KCNC2: variants seen among roughly 807,000 people sequenced by gnomAD.
The protein encoded by KCNC2 is potassium voltage-gated channel subfamily C member 2.
Under a neutral mutation model 44.5 loss-of-function variants are expected in KCNC2, and 21 were observed. That is an observed-to-expected ratio of 0.47 (90% CI 0.33 to 0.68). The LOEUF is 0.68. Among genes scored for constraint, KCNC2 ranks in the 30% least tolerant of loss-of-function variants. The pLI, the probability that KCNC2 is intolerant of heterozygous loss-of-function variation, is 0.01. For synonymous variants in KCNC2, 391 were observed against 339.1 expected, an observed-to-expected ratio of 1.15 and a Z score of -1.68; for missense variants, 589 against 826.2, an observed-to-expected ratio of 0.71 and a Z score of 3.52.
At chr12:75,171,039 T>A (rs1401621769) in intron 2 of KCNC2, among the ~76,000 whole-genome samples, 2 of 149,372 alleles carry the variant, frequency 1.3e-5, no homozygotes, top group Non-Finnish European at 1.5e-5. Flanking sequence ...CCTGGGCCTC[T>A]CACAATATGG....
chr12:75,059,316 G>A (rs576544660), intron 2 of KCNC2, among the ~76,000 whole-genome samples: 2 of 152,090 alleles, frequency 1.3e-5, no homozygotes, highest in African/African-American at 4.8e-5. Flanking sequence ...CTTTTCTGGG[G>A]TCCATATAGT....
intron 2 of KCNC2, among the ~76,000 whole-genome samples, chr12:75,153,228 A>G (rs986456398): frequency 5.3e-5 from 8 of 151,992 alleles, no homozygotes; most frequent in African/African-American, 1.9e-4. Flanking sequence ...GTAATGTTCT[A>G]TTTCACAGGC....
In KCNC2 at chr12:75,087,059, A is replaced by G. The variant is rs74108198; in HGVS notation, c.688-35742T>C. ...TTATACTTTCTTAGTCCTTGTCTTTATGGAACTTAGAGCTTCAGAAGAAAG... is the reference window on the plus strand; with the variant it reads ...TTATACTTTCTTAGTCCTTGTCTTTGTGGAACTTAGAGCTTCAGAAGAAAG... On this transcript the variant is annotated intron_variant, in intron 2 of 4. Coordinates refer to ENST00000549446, the MANE Select transcript of KCNC2 (RefSeq NM_139137.4). Among the ~76,000 whole-genome samples the G allele has an allele frequency of 2.6e-3, 401 of 152,174 alleles. 2 individuals are homozygous for G. Among genetic ancestry groups the G allele is most frequent in the African/African-American group, 9.2e-3 (381 of 41,538 alleles).
intron 2 of KCNC2, among the ~76,000 whole-genome samples, chr12:75,203,779 T>A (rs2031479924): frequency 6.6e-6 from 1 of 151,932 alleles, no homozygotes; most frequent in Non-Finnish European, 1.5e-5. Flanking sequence ...GAGAAACTTA[T>A]AACTGCTCTC....
At chr12:75,086,166 G>A (rs1784575972) in intron 2 of KCNC2, among the ~76,000 whole-genome samples, 1 of 152,000 alleles carries the variant, frequency 6.6e-6, no homozygotes, top group South Asian at 2.1e-4. Context: ...CAAAATTCAA[G>A]AAGCTACTAC....
intron 2 of KCNC2, among the ~76,000 whole-genome samples, chr12:75,200,014 A>G (rs935373283): frequency 6.6e-6 from 1 of 151,702 alleles, no homozygotes; most frequent in African/African-American, 2.4e-5. Context: ...ATAACATGTA[A>G]AACTAGTGGG....
rs568103796 is a variant in KCNC2, at chr12:75,208,176, C to T, written c.-19-174G>A. On this transcript the variant is annotated intron_variant, in intron 1 of 4. Transcript: ENST00000549446. Reference sequence around the variant, plus strand: ...CCAGCGCTGTCCCCGCCTCTTGCATCAAACCTTTCCCAGGTTTCCAGAGAA... The same window carrying T: ...CCAGCGCTGTCCCCGCCTCTTGCATTAAACCTTTCCCAGGTTTCCAGAGAA... 2.0e-5 allele frequency among the ~76,000 whole-genome samples: 3 copies of T among 152,254 alleles called. No individual in the cohort carries two copies. The South Asian group carries it at 6.2e-4, about 32-fold the overall frequency.
At chr12:75,176,664 TTAA>T (rs752501974) in intron 2 of KCNC2, among the ~76,000 whole-genome samples, 65 of 152,072 alleles carry the variant, frequency 4.3e-4, no homozygotes, top group Admixed American at 9.8e-4. Flanking sequence ...TCTCCTTCAG[TTAA>T]TAATACATGT....
chr12:75,119,538 C>T (rs17801237), intron 2 of KCNC2, among the ~76,000 whole-genome samples: 10,056 of 152,090 alleles, frequency 0.066, 482 homozygotes, highest in Middle Eastern at 0.11. Flanking sequence ...AAAACTTAAC[C>T]ATAACGGGTG....
chr12:75,188,160 A>C (rs2137689699), intron 2 of KCNC2, among the ~76,000 whole-genome samples: 1 of 152,330 alleles, frequency 6.6e-6, no homozygotes, highest in South Asian at 2.1e-4. Flanking sequence ...TTGTTCTGTC[A>C]GTGTGCTACT....
intron 3 of KCNC2, 117 bp from the exon 4 acceptor site, chr12:75,048,434 A>T: frequency 1.5e-6 from 1 of 684,166 alleles, no homozygotes; most frequent in East Asian, 3.3e-5. Flanking sequence ...CACAAGAATC[A>T]CATCACAATA....
chr12:75,109,025 G>T (rs1018700461), intron 2 of KCNC2, among the ~76,000 whole-genome samples: 1 of 152,144 alleles, frequency 6.6e-6, no homozygotes, highest in Non-Finnish European at 1.5e-5. Context: ...TGCCAAATTG[G>T]AATCAAAATC....
chr12:75,185,216 G>A (rs1035483648), intron 2 of KCNC2, among the ~76,000 whole-genome samples: 2 of 152,026 alleles, frequency 1.3e-5, no homozygotes, highest in African/African-American at 2.4e-5. Flanking sequence ...GAACATCTTT[G>A]GGCTATAACA....
At chr12:75,170,685 G>A (rs191322028) in intron 2 of KCNC2, among the ~76,000 whole-genome samples, 2 of 151,776 alleles carry the variant, frequency 1.3e-5, no homozygotes, top group African/African-American at 2.4e-5. Context: ...TTAATATGCC[G>A]TTGATGTTGA....
At chr12:75,085,829 T>C (rs148672457) in intron 2 of KCNC2, among the ~76,000 whole-genome samples, 4 of 152,148 alleles carry the variant, frequency 2.6e-5, no homozygotes, top group African/African-American at 9.6e-5. Context: ...GACTCATTTC[T>C]CAAAATATAA....
At position 75,173,380 on chromosome 12, in the gene KCNC2, C is replaced by G. The variant is rs147212947; in HGVS notation, c.687+33917G>C. 4.6e-5 allele frequency among the ~76,000 whole-genome samples: 7 copies of G among 151,930 alleles called. No homozygotes were observed. In the East Asian group the frequency reaches 9.7e-4, roughly 21 times the overall value. On this transcript the variant is annotated intron_variant, in intron 2 of 4. Transcript: ENST00000549446. ...AGATACAATTGAAATTATCTTACAA[C>G]AATTTAAATGGAAAATAGAACTACA...
intron 2 of KCNC2, among the ~76,000 whole-genome samples, chr12:75,069,151 T>TTTTTTTTTTTG (rs869250638): frequency 7.0e-6 from 1 of 142,670 alleles, no homozygotes; most frequent in East Asian, 2.0e-4. Context: ...TTTTTTTTTT[T>TTTTTTTTTTTG]GAGACGGAAT....
intron 2 of KCNC2, among the ~76,000 whole-genome samples, chr12:75,141,010 T>C (rs1206264670): frequency 1.3e-5 from 2 of 152,228 alleles, no homozygotes; most frequent in African/African-American, 4.8e-5. Flanking sequence ...TAACTTCTGC[T>C]ATTCATGCTA....
At chr12:75,058,094 T>G (rs1297769303) in intron 2 of KCNC2, among the ~76,000 whole-genome samples, 1 of 152,006 alleles carries the variant, frequency 6.6e-6, no homozygotes, top group Non-Finnish European at 1.5e-5. Context: ...GAATTAAAAG[T>G]CATCAATTAT....
Sources: allele counts gnomAD v4.1 joint callset (sites outside exome capture counted in the v4.1 genomes callset), GRCh38; gene constraint gnomAD v4.1.1; transcripts MANE v1.5; gene names NCBI Gene and HGNC (gene_info 2026-07-23, HGNC 2026-07-21).